Variants in SIPA1L2 observed in about 807,000 individuals in gnomAD.
The protein encoded by SIPA1L2 is signal induced proliferation associated 1 like 2, also known as signal-induced proliferation-associated 1-like protein 2.
Under a neutral mutation model 163.9 loss-of-function variants are expected in SIPA1L2, and 56 were observed. The observed-to-expected ratio is 0.34, with a 90% CI of 0.28 to 0.43. SIPA1L2 has a LOEUF of 0.43. Ranked by LOEUF, SIPA1L2 falls within the 20% of genes least tolerant of loss-of-function variation. The probability of loss-of-function intolerance (pLI) is 1.00; values close to 1 mark genes in which losing one functional copy is unlikely to be tolerated. For synonymous variants in SIPA1L2, 877 were observed against 865.7 expected (o/e 1.01, Z -0.23); for missense variants, 1,974 against 2,193.5 (o/e 0.90, Z 2.00).
chr1:232,457,776 G>A (rs1342345698), intron 10 of SIPA1L2, among the ~76,000 whole-genome samples: 3 of 152,158 alleles, frequency 2.0e-5, no homozygotes, highest in African/African-American at 7.2e-5. Flanking sequence ...GGCTAAACAT[G>A]CTGAGCGCGA....
intron 1 of SIPA1L2, among the ~76,000 whole-genome samples, chr1:232,582,365 G>A (rs964075795): frequency 9.2e-5 from 14 of 151,646 alleles, no homozygotes; most frequent in African/African-American, 2.9e-4. Context: ...ACATCCATAG[G>A]TGCTCAATAT....
chr1:232,413,076 C>T (rs1661051874), intron 19 of SIPA1L2, among the ~76,000 whole-genome samples: 1 of 152,202 alleles, frequency 6.6e-6, no homozygotes, highest in South Asian at 2.1e-4. Context: ...CTTACTTCAG[C>T]TTAGAAATAC....
intron 2 of SIPA1L2, among the ~76,000 whole-genome samples, chr1:232,520,809 T>G (rs1001235958): frequency 6.6e-6 from 1 of 152,076 alleles, no homozygotes; most frequent in Admixed American, 6.6e-5. Flanking sequence ...AAGAAGACAA[T>G]CAATGAGCTG....
intron 6 of SIPA1L2, among the ~76,000 whole-genome samples, chr1:232,483,315 G>C (rs1665464080): frequency 6.6e-6 from 1 of 151,468 alleles, no homozygotes; most frequent in Non-Finnish European, 1.5e-5. Context: ...GGGATATTGT[G>C]TGAAGATGCA....
At chr1:232,589,342 T>C (rs1398560578) in intron 1 of SIPA1L2, among the ~76,000 whole-genome samples, 1 of 152,244 alleles carries the variant, frequency 6.6e-6, no homozygotes, top group African/African-American at 2.4e-5. Flanking sequence ...ACACAGTATG[T>C]AAATTCACCC....
intron 1 of SIPA1L2, among the ~76,000 whole-genome samples, chr1:232,597,406 G>C (rs570842830): frequency 6.6e-6 from 1 of 151,874 alleles, no homozygotes; most frequent in East Asian, 1.9e-4. Context: ...GGCCGGGCGC[G>C]GTGGCTCACA....
At chr1:232,475,062 A>C (rs1472625554) in intron 7 of SIPA1L2, among the ~76,000 whole-genome samples, 3 of 152,258 alleles carry the variant, frequency 2.0e-5, no homozygotes, top group African/African-American at 7.2e-5. Flanking sequence ...GCAGGTCTCC[A>C]GAGAAGGTCT....
intron 5 of SIPA1L2, 86 bp from the exon 6 acceptor site, chr1:232,484,052 AT>A: frequency 7.6e-7 from 1 of 1,314,840 alleles, no homozygotes; most frequent in Non-Finnish European, 1.0e-6. Context: ...GAAGCTGAGA[AT>A]TGTTCTAGGA....
In SIPA1L2 at chr1:232,515,549, C is replaced by T. The variant is rs897771200; in HGVS notation, c.-210G>A. 3.9e-6 allele frequency: 2 copies of T among 508,666 alleles called. No individual in the cohort carries two copies. The highest frequency in any genetic ancestry group is 1.9e-5 in the African/African-American group (1 of 51,850). 31.5% of individuals were successfully genotyped at this position (508,666 alleles called of 1,614,324 possible). On this transcript the variant is annotated 5_prime_UTR_variant, in exon 3 of 23. Transcript: ENST00000674635. The stretch of plus-strand genomic sequence containing the variant: ...CTGTTGTCGTAATAATGTTGTACGC[C>T]TCTGTTCTTTTCAAAAGCATTCCTT...
intron 3 of SIPA1L2, among the ~76,000 whole-genome samples, chr1:232,504,995 C>A (rs778858049): frequency 1.3e-5 from 2 of 152,094 alleles, no homozygotes; most frequent in Admixed American, 1.3e-4. Context: ...AAAGTGAACA[C>A]AACTTAAAGA....
intron 18 of SIPA1L2, among the ~76,000 whole-genome samples, chr1:232,421,622 T>C (rs950464155): frequency 2.6e-5 from 4 of 152,210 alleles, no homozygotes; most frequent in Non-Finnish European, 4.4e-5. Context: ...TACCTTGCCA[T>C]GCCACCCTTG....
At chr1:232,626,007 GT>G (rs1237229953) in intron 1 of SIPA1L2, among the ~76,000 whole-genome samples, 1 of 152,192 alleles carries the variant, frequency 6.6e-6, no homozygotes, top group Non-Finnish European at 1.5e-5. Context: ...AAATCCACGA[GT>G]GGGGTAATTT....
intron 1 of SIPA1L2, among the ~76,000 whole-genome samples, chr1:232,579,886 G>A (rs1164770011): frequency 6.6e-6 from 1 of 152,174 alleles, no homozygotes; most frequent in Non-Finnish European, 1.5e-5. Flanking sequence ...AAGAATGGGG[G>A]CTTGGAGTGT....
intron 15 of SIPA1L2, among the ~76,000 whole-genome samples, chr1:232,436,423 C>T (rs1662565868): frequency 6.6e-6 from 1 of 152,152 alleles, no homozygotes; most frequent in Non-Finnish European, 1.5e-5. Context: ...GCACGGAGCA[C>T]TTGGAGGCAG....
intron 21 of SIPA1L2, among the ~76,000 whole-genome samples, chr1:232,403,011 T>C (rs1222371679): frequency 6.6e-6 from 1 of 152,068 alleles, no homozygotes; most frequent in African/African-American, 2.4e-5. Flanking sequence ...GTGGAGGGCA[T>C]GAGGCTGGAT....
At chr1:232,412,853 A>G (rs1019219586) in intron 19 of SIPA1L2, among the ~76,000 whole-genome samples, 1 of 152,154 alleles carries the variant, frequency 6.6e-6, no homozygotes, top group African/African-American at 2.4e-5. Flanking sequence ...CTCCTCCCAC[A>G]TTATTTTATC....
In SIPA1L2 at chr1:232,465,951, A is replaced by G. The variant is rs1308086979; in HGVS notation, c.2244-535T>C. Among the ~76,000 whole-genome samples, 1 of 151,856 alleles carries G rather than the reference A, an allele frequency of 6.6e-6. No individual in the cohort carries two copies. The highest frequency in any genetic ancestry group is 1.5e-5 in the Non-Finnish European group (1 of 67,978). On this transcript the variant is annotated intron_variant, in intron 8 of 22. Transcript: ENST00000674635. This position sits in a 1 kb window ranked among gnomAD's most constrained non-coding sequence, Gnocchi z 4.1. ...GCCAAGGGGAGAGGTCTCAGGAGAA[A>G]CCAATCCTTGCTGACACCTTGATCT...
chr1:232,464,966 C>G lies in SIPA1L2; in HGVS notation c.2694G>C (p.Arg898Ser). The G allele has an allele frequency of 1.2e-6, 2 of 1,614,184 alleles. No homozygotes were observed. Among genetic ancestry groups the G allele is most frequent in the Non-Finnish European group, 1.7e-6 (2 of 1,180,030 alleles). ...ATCCAGATGTCCACCCAATCACATC[C>G]CTGCAGGAACAGTTGAATACAACAT... ...SKNVVFNCSC[R>S]DVIGWTSGLV... The change falls in exon 9 of 23, where the codon AGG becomes AGC. Residue 898 changes from arginine (R) to serine (S), a missense_variant. By Grantham distance (110) the Arg-to-Ser change is moderately radical (BLOSUM62 -1). This residue lies in a region of SIPA1L2 where 1,079 missense variants were observed against 1,150.7 expected (regional missense o/e 0.94). Transcript: ENST00000674635.
At chr1:232,523,015 T>A (rs1436633457) in intron 2 of SIPA1L2, among the ~76,000 whole-genome samples, 1 of 152,212 alleles carries the variant, frequency 6.6e-6, no homozygotes, top group Non-Finnish European at 1.5e-5. Context: ...AGAAGCTGAG[T>A]GAGTTGCCCA....
Sources: allele counts gnomAD v4.1 joint callset (sites outside exome capture counted in the v4.1 genomes callset), GRCh38; gene constraint gnomAD v4.1.1; regional missense constraint gnomAD v4.1.1; non-coding constraint Gnocchi (gnomAD v3.1); transcripts MANE v1.5; gene names NCBI Gene and HGNC (gene_info 2026-07-23, HGNC 2026-07-21).